CEP126: variants seen among roughly 807,000 people sequenced by gnomAD.
The protein encoded by CEP126 is centrosomal protein 126.
Under a neutral mutation model 107.8 loss-of-function variants are expected in CEP126, and 74 were observed. The observed-to-expected ratio is 0.69, with a 90% confidence interval of 0.57 to 0.83. CEP126 has a LOEUF of 0.83. Among genes scored for constraint, CEP126 ranks in the 40% least tolerant of loss-of-function variants. CEP126 has a pLI of 0.00. For synonymous variants in CEP126, 449 were observed against 446.0 expected (o/e 1.01, Z -0.08); for missense variants, 1,237 against 1,281.9 (o/e 0.96, Z 0.53).
At position 101,916,970 on chromosome 11, in the gene CEP126, G is replaced by C. The variant is rs567463328; in HGVS notation, c.128+1558G>C. ...AAGGCTAAATATATAGTTAAAATTA[G>C]GCAAGTTATAAATGAACATTTTAAT... On this transcript the variant is annotated intron_variant, in intron 1 of 10. Coordinates refer to ENST00000263468, the MANE Select transcript of CEP126 (RefSeq NM_020802.4). Among the ~76,000 whole-genome samples the C allele has an allele frequency of 2.5e-3, 379 of 150,718 alleles. 1 individual carries two copies. Among genetic ancestry groups the C allele is most frequent in the African/African-American group, 8.6e-3 (352 of 40,938 alleles).
At chr11:101,993,762 T>C (rs1243188127) in intron 10 of CEP126, among the ~76,000 whole-genome samples, 1 of 152,242 alleles carries the variant, frequency 6.6e-6, no homozygotes, top group Non-Finnish European at 1.5e-5. Context: ...TGGTGTAAGA[T>C]GTTATCTCAT....
intron 6 of CEP126, among the ~76,000 whole-genome samples, chr11:101,970,865 G>A (rs1462754845): frequency 6.6e-6 from 1 of 152,188 alleles, no homozygotes; most frequent in Non-Finnish European, 1.5e-5. Context: ...TGAGGAAACT[G>A]GGTCACAGAG....
At chr11:101,953,922 G>A (rs1310190717) in intron 4 of CEP126, among the ~76,000 whole-genome samples, 1 of 151,970 alleles carries the variant, frequency 6.6e-6, no homozygotes, top group African/African-American at 2.4e-5. Context: ...ACCAGTTAAT[G>A]TAGAAGCAAT....
intron 4 of CEP126, among the ~76,000 whole-genome samples, chr11:101,949,911 C>A (rs1940787353): frequency 6.6e-6 from 1 of 152,132 alleles, no homozygotes; most frequent in Admixed American, 6.6e-5. Context: ...GGAATGTAAG[C>A]CACTGCTAAA....
rs758447868 is a variant in CEP126, at chr11:101,944,369, T to G, written c.353T>G (p.Phe118Cys). ...AAGTTTGAAGAAGTTACTGAAAAAT[T>G]CCAGCGTGCCCATGTTCCTCTTTCA... ...KQKFEEVTEK[F>C]QRAHVPLSQR... The change falls in exon 3 of 11, where the codon TTC becomes TGC. Residue 118 changes from phenylalanine to cysteine, a missense_variant. This residue lies in a region of CEP126 where 1,134 missense variants were observed against 1,150.5 expected (regional missense o/e 0.99). Coordinates refer to ENST00000263468, the MANE Select transcript of CEP126 (RefSeq NM_020802.4). 6.2e-7 allele frequency: 1 copy of G among 1,611,898 alleles called. No individual in the cohort carries two copies. The highest frequency in any genetic ancestry group is 1.3e-5 in the African/African-American group (1 of 74,766).
intron 2 of CEP126, among the ~76,000 whole-genome samples, chr11:101,931,574 CAAG>C (rs372624779): frequency 1.7e-3 from 261 of 152,160 alleles, no homozygotes; most frequent in African/African-American, 5.8e-3. Flanking sequence ...TTTTAACTTT[CAAG>C]AAGAACAATT....
Position 101,961,740 on chromosome 11 carries a change from G to A in CEP126, c.706-1G>A. Reference sequence around the variant, plus strand: ...TAAAACAATGTTCTTTTTTTTTCCAGAAATTTTGTGATGAAGTTAATCAGA... The same window carrying A: ...TAAAACAATGTTCTTTTTTTTTCCAAAAATTTTGTGATGAAGTTAATCAGA... On this transcript the variant is annotated splice_acceptor_variant, in intron 5 of 10. Transcript: ENST00000263468. LOFTEE classifies it high-confidence loss of function. 2 of 1,477,262 alleles carry A rather than the reference G, an allele frequency of 1.4e-6. No individual in the cohort carries two copies. The highest frequency in any genetic ancestry group is 1.8e-6 in the Non-Finnish European group (2 of 1,096,598). 91.5% of individuals were successfully genotyped at this position (1,477,262 alleles called of 1,614,324 possible).
intron 6 of CEP126, among the ~76,000 whole-genome samples, chr11:101,969,411 A>C (rs949858527): frequency 3.9e-5 from 6 of 152,206 alleles, no homozygotes; most frequent in African/African-American, 1.4e-4. Context: ...ACAGAAGGCT[A>C]TAACACTGTT....
At chr11:101,957,998 T>C (rs1380037492) in intron 4 of CEP126, among the ~76,000 whole-genome samples, 170 bp from the exon 5 acceptor site, 3 of 152,232 alleles carry the variant, frequency 2.0e-5, no homozygotes, top group Non-Finnish European at 4.4e-5. Context: ...ATTCTACTAT[T>C]GATTGCCTTA....
At chr11:101,940,048 G>C (rs1940642856) in intron 2 of CEP126, among the ~76,000 whole-genome samples, 1 of 152,048 alleles carries the variant, frequency 6.6e-6, no homozygotes, top group Non-Finnish European at 1.5e-5. Context: ...CATTACCAGT[G>C]AAGTAGATAG....
chr11:101,968,085 A>G (rs894926278), intron 6 of CEP126, among the ~76,000 whole-genome samples: 6 of 152,354 alleles, frequency 3.9e-5, no homozygotes, highest in Admixed American at 3.9e-4. Context: ...AGTATAAGCC[A>G]TTCTTTTCAA....
intron 2 of CEP126, among the ~76,000 whole-genome samples, chr11:101,943,188 G>A (rs1364481157): frequency 6.6e-6 from 1 of 151,884 alleles, no homozygotes; most frequent in Admixed American, 6.6e-5. Flanking sequence ...GATTCTTGAA[G>A]GAGATTGTTT....
At chr11:101,920,245 T>C (rs1339457114) in intron 1 of CEP126, among the ~76,000 whole-genome samples, 1 of 152,206 alleles carries the variant, frequency 6.6e-6, no homozygotes, top group Non-Finnish European at 1.5e-5. Flanking sequence ...AATAAACCTG[T>C]TATTCTGAAA....
intron 2 of CEP126, among the ~76,000 whole-genome samples, chr11:101,931,972 G>A (rs1362613600): frequency 6.6e-6 from 1 of 152,208 alleles, no homozygotes; most frequent in Admixed American, 6.5e-5. Context: ...CATGTTTCAT[G>A]AGGCAGAGCT....
In CEP126 at chr11:101,915,069, G is replaced by A. The variant is rs115730613; in HGVS notation, c.-216G>A. 5.2e-6 allele frequency: 3 copies of A among 577,930 alleles called. No homozygotes were observed. The highest frequency in any genetic ancestry group is 3.1e-5 in the South Asian group (1 of 31,772). The allele number at this position is 577,930 out of a possible 1,614,324, so 35.8% of individuals were successfully genotyped here. The stretch of plus-strand genomic sequence containing the variant: ...GGTTGCTGCCGCCCCATCTGCTATT[G>A]CCCGGCGAGGTCGCCGCTGCCTCAG... On this transcript the variant is annotated 5_prime_UTR_variant, in exon 1 of 11. Coordinates refer to ENST00000263468, the MANE Select transcript of CEP126 (RefSeq NM_020802.4).
chr11:101,941,218 G>A (rs558635438), intron 2 of CEP126, among the ~76,000 whole-genome samples: 1 of 152,050 alleles, frequency 6.6e-6, no homozygotes, highest in East Asian at 1.9e-4. Flanking sequence ...TCATATTGCT[G>A]GGTAACCATC....
intron 6 of CEP126, among the ~76,000 whole-genome samples, chr11:101,971,264 G>A (rs1402951193): frequency 2.6e-5 from 4 of 151,972 alleles, no homozygotes; most frequent in Non-Finnish European, 5.9e-5. Flanking sequence ...GTGAGCCACC[G>A]TGCCCAGCCT....
At chr11:101,977,536 C>G (rs2137123887) in intron 6 of CEP126, among the ~76,000 whole-genome samples, 1 of 147,154 alleles carries the variant, frequency 6.8e-6, no homozygotes, top group South Asian at 2.1e-4. Flanking sequence ...GAGGCTGAGG[C>G]AGGAGAATCA....
At chr11:101,925,851 C>T (rs553683443) in intron 2 of CEP126, among the ~76,000 whole-genome samples, 10 of 146,324 alleles carry the variant, frequency 6.8e-5, no homozygotes, top group South Asian at 4.5e-4. Context: ...GACGGGGTTT[C>T]GCCACGTTGG....
Sources: gnomAD v4.1 joint callset for allele counts (sites outside exome capture counted in the v4.1 genomes callset) on GRCh38, gnomAD v4.1.1 for gene constraint, gnomAD v4.1.1 regional missense constraint, MANE v1.5 for transcripts, NCBI Gene and HGNC (gene_info 2026-07-23, HGNC 2026-07-21) for gene names.